Variants in FRMD4A observed in about 807,000 individuals in gnomAD.
The protein encoded by FRMD4A is FERM domain-containing protein 4A.
Under a neutral mutation model 129.1 loss-of-function variants are expected in FRMD4A, and 29 were observed. That is an observed-to-expected ratio of 0.22 (90% confidence interval 0.17 to 0.31). The LOEUF is 0.31. Among genes scored for constraint, FRMD4A ranks in the 10% least tolerant of loss-of-function variants. FRMD4A has a pLI of 1.00. For synonymous variants in FRMD4A, 634 were observed against 571.6 expected (o/e 1.11, Z -1.56); for missense variants, 1,272 against 1,375.8 (o/e 0.92, Z 1.19).
At chr10:14,147,924 T>C (rs1044774865) in intron 2 of FRMD4A, among the ~76,000 whole-genome samples, 1 of 152,168 alleles carries the variant, frequency 6.6e-6, no homozygotes, top group Non-Finnish European at 1.5e-5. Flanking sequence ...CACTTAATGT[T>C]TCTGTGCCTC....
At chr10:13,873,467 G>T (rs2131093534) in intron 2 of FRMD4A, among the ~76,000 whole-genome samples, 1 of 152,328 alleles carries the variant, frequency 6.6e-6, no homozygotes, top group South Asian at 2.1e-4. Flanking sequence ...TGTGTATGAG[G>T]AATATTTCCA....
intron 2 of FRMD4A, among the ~76,000 whole-genome samples, chr10:13,978,361 A>G (rs1018664986): frequency 6.6e-6 from 1 of 152,146 alleles, no homozygotes; most frequent in African/African-American, 2.4e-5. Context: ...AGTACAGAAG[A>G]GCCCAGAATG....
intron 2 of FRMD4A, among the ~76,000 whole-genome samples, chr10:13,996,237 G>GACATTC (rs2095622181): frequency 6.6e-6 from 1 of 152,142 alleles, no homozygotes; most frequent in Admixed American, 6.5e-5. Context: ...AATTGCAGAG[G>GACATTC]AACAAAAACA....
In FRMD4A at chr10:13,740,641, A is replaced by G. The variant is rs961749811; in HGVS notation, c.549-64T>C. 2.8e-5 allele frequency: 23 copies of G among 824,788 alleles called. 1 individual carries two copies. The highest frequency in any genetic ancestry group is 9.0e-5 in the Admixed American group (4 of 44,218). 51.1% of individuals were successfully genotyped at this position (824,788 alleles called of 1,614,324 possible). Reference sequence around the variant, plus strand: ...TAGGTCAACAGCCAAGCTTCCTGCCAGTAAGATATTTCTCAGCCCCATCTC... The same window carrying G: ...TAGGTCAACAGCCAAGCTTCCTGCCGGTAAGATATTTCTCAGCCCCATCTC... On this transcript the variant is annotated intron_variant, in intron 9 of 24. Transcript: ENST00000357447.
rs59717123 is a variant in FRMD4A, at chr10:13,851,518, C to T, written c.111+7329G>A. On this transcript the variant is annotated intron_variant, in intron 3 of 24. Coordinates refer to ENST00000357447, the MANE Select transcript of FRMD4A (RefSeq NM_018027.5). Reference sequence around the variant, plus strand: ...TTGCATTACTGCCTGAGCCCCACCTCCTGTCAGATCAGCAGCAGCATTAGA... The same window carrying T: ...TTGCATTACTGCCTGAGCCCCACCTTCTGTCAGATCAGCAGCAGCATTAGA... 9.1e-3 allele frequency among the ~76,000 whole-genome samples: 1,380 copies of T among 152,200 alleles called. 51 individuals are homozygous for T. The highest frequency in any genetic ancestry group is 0.058 in the East Asian group (301 of 5,168).
At chr10:14,150,291 G>A (rs1840277943) in intron 2 of FRMD4A, among the ~76,000 whole-genome samples, 1 of 152,148 alleles carries the variant, frequency 6.6e-6, no homozygotes, top group African/African-American at 2.4e-5. Context: ...ACAGAGAAGT[G>A]CATATTTCAT....
At chr10:14,299,796 G>T (rs1446854745) in intron 2 of FRMD4A, among the ~76,000 whole-genome samples, 7 of 152,174 alleles carry the variant, frequency 4.6e-5, no homozygotes, top group African/African-American at 9.7e-5. Flanking sequence ...AGCCTAGAAG[G>T]ATTGATCTGT....
rs557613256 is a variant in FRMD4A, at chr10:14,264,594, C to T, written c.45+65464G>A. Among the ~76,000 whole-genome samples the T allele has an allele frequency of 3.9e-5, 6 of 152,216 alleles. No homozygotes were observed. In the South Asian group the frequency reaches 1.0e-3, roughly 26 times the overall value. Reference sequence around the variant, plus strand: ...TAGTGTAAAAAATAATATGGATGCACGTTCGATTTTGTTGTAATATTATTT... The same window carrying T: ...TAGTGTAAAAAATAATATGGATGCATGTTCGATTTTGTTGTAATATTATTT... On this transcript the variant is annotated intron_variant, in intron 2 of 24. Coordinates refer to ENST00000357447, the MANE Select transcript of FRMD4A (RefSeq NM_018027.5).
At chr10:13,691,341 C>T (rs576061024) in intron 15 of FRMD4A, among the ~76,000 whole-genome samples, 1 of 152,318 alleles carries the variant, frequency 6.6e-6, no homozygotes, top group South Asian at 2.1e-4. Flanking sequence ...AGGTTTGGGG[C>T]TCCTGTTCAC....
chr10:13,669,981 C>T (rs891577386), intron 17 of FRMD4A, among the ~76,000 whole-genome samples: 91 of 152,312 alleles, frequency 6.0e-4, no homozygotes, highest in African/African-American at 2.2e-3. Context: ...TGGTCTCTCC[C>T]CAGCCAATGT....
chr10:14,189,361 G>A (rs1336041527), intron 2 of FRMD4A, among the ~76,000 whole-genome samples: 2 of 152,158 alleles, frequency 1.3e-5, no homozygotes, highest in African/African-American at 4.8e-5. Context: ...ATCACCTGAG[G>A]TCAGGAGTTC....
At chr10:14,176,128 C>G (rs946639531) in intron 2 of FRMD4A, among the ~76,000 whole-genome samples, 6 of 152,144 alleles carry the variant, frequency 3.9e-5, no homozygotes, top group Admixed American at 2.0e-4. Flanking sequence ...TTGTAAGGCA[C>G]CTAGTATGTG....
At chr10:13,738,330 C>T (rs544536725) in intron 11 of FRMD4A, among the ~76,000 whole-genome samples, 1 of 152,314 alleles carries the variant, frequency 6.6e-6, no homozygotes, top group South Asian at 2.1e-4. Flanking sequence ...AATAAAAGGA[C>T]CTTCTGGGCA....
intron 3 of FRMD4A, among the ~76,000 whole-genome samples, chr10:13,832,262 G>A (rs1461478125): frequency 6.6e-6 from 1 of 152,120 alleles, no homozygotes. Flanking sequence ...CTGCTTGATT[G>A]AAGTGCCTTT....
At chr10:14,010,664 C>CTTTTTTTT (rs779471389) in intron 2 of FRMD4A, among the ~76,000 whole-genome samples, 3 of 76,428 alleles carry the variant, frequency 3.9e-5, no homozygotes, top group East Asian at 6.4e-4. Flanking sequence ...GAGTTTAGGT[C>CTTTTTTTT]TTTTTTTTTT....
intron 15 of FRMD4A, among the ~76,000 whole-genome samples, chr10:13,691,117 A>C (rs1564620485): frequency 1.3e-5 from 2 of 152,246 alleles, no homozygotes; most frequent in South Asian, 2.1e-4. Flanking sequence ...CCTCGAAAAT[A>C]ACTGGGATTA....
chr10:13,660,598 C>T (rs1389342235), intron 19 of FRMD4A, 45 bp from the exon 20 acceptor site: 2 of 1,261,596 alleles, frequency 1.6e-6, no homozygotes, highest in East Asian at 2.3e-5. Flanking sequence ...GGTCATCCTT[C>T]CCACAGGCTG....
intron 2 of FRMD4A, among the ~76,000 whole-genome samples, chr10:14,198,006 A>C (rs1842521609): frequency 6.6e-6 from 1 of 152,178 alleles, no homozygotes; most frequent in South Asian, 2.1e-4. Context: ...AGACCTGGCC[A>C]ATGTGGTGCT....
chr10:14,305,126 A>G (rs1335101639), intron 2 of FRMD4A, among the ~76,000 whole-genome samples: 5 of 152,210 alleles, frequency 3.3e-5, no homozygotes, highest in African/African-American at 7.2e-5. Context: ...TCAGCTACCA[A>G]TACCTATTAC....
Sources: gnomAD v4.1 joint callset for allele counts (sites outside exome capture counted in the v4.1 genomes callset) on GRCh38, gnomAD v4.1.1 for gene constraint, MANE v1.5 for transcripts, NCBI Gene and HGNC (gene_info 2026-07-23, HGNC 2026-07-21) for gene names.